The following ADARB2 variants were observed in gnomAD, a reference collection of about 807,000 sequenced individuals.
The protein encoded by ADARB2 is inactive double-stranded RNA-specific editase B2.
ADARB2 carries 25 observed loss-of-function variants against 62.2 expected under a neutral mutation model. The ratio of observed to expected loss-of-function variants is 0.40; its 90% CI spans 0.29 to 0.56. The LOEUF (loss-of-function observed/expected upper bound fraction) is 0.56, where lower values mean the gene tolerates loss of function less well. Among genes scored for constraint, ADARB2 ranks in the 20% least tolerant of loss-of-function variants. ADARB2 has a pLI of 0.43. For missense variants in ADARB2, 1,071 were observed against 1,077.4 expected (o/e 0.99, Z 0.08); for synonymous variants, 572 against 500.8 (o/e 1.14, Z -1.90).
intron 1 of ADARB2, among the ~76,000 whole-genome samples, chr10:1,553,575 C>T (rs1832659497): frequency 1.3e-5 from 2 of 152,212 alleles, no homozygotes; most frequent in South Asian, 4.1e-4. Context: ...GATGCTCTAA[C>T]GGACTCGAGG....
intron 1 of ADARB2, among the ~76,000 whole-genome samples, chr10:1,491,275 G>T (rs1458448705): frequency 6.6e-6 from 1 of 152,060 alleles, no homozygotes; most frequent in Admixed American, 6.5e-5. Context: ...GTGCCACGTT[G>T]CCCAGGCTGG....
At chr10:1,618,434 C>T (rs553186006) in intron 1 of ADARB2, among the ~76,000 whole-genome samples, 2 of 152,124 alleles carry the variant, frequency 1.3e-5, no homozygotes, top group Non-Finnish European at 2.9e-5. Context: ...ATTCACATAC[C>T]TATAGAAAAT....
At chr10:1,415,016 T>C (rs1025842102) in intron 1 of ADARB2, among the ~76,000 whole-genome samples, 1 of 148,656 alleles carries the variant, frequency 6.7e-6, no homozygotes, top group Non-Finnish European at 1.5e-5. Context: ...GATGGATGGA[T>C]AGATGGATGA....
intron 1 of ADARB2, among the ~76,000 whole-genome samples, chr10:1,389,788 A>T (rs911021071): frequency 1.1e-4 from 16 of 148,282 alleles, no homozygotes; most frequent in African/African-American, 3.2e-4. Flanking sequence ...AATAAATAAT[A>T]AATAAAAAAT....
intron 8 of ADARB2, among the ~76,000 whole-genome samples, chr10:1,189,612 C>T (rs1836810293): frequency 6.6e-6 from 1 of 152,036 alleles, no homozygotes; most frequent in Non-Finnish European, 1.5e-5. Flanking sequence ...AACTCGAGTC[C>T]CAAGGACAGA....
chr10:1,395,939 G>C (rs1452948766), intron 1 of ADARB2, among the ~76,000 whole-genome samples: 3 of 152,208 alleles, frequency 2.0e-5, no homozygotes, highest in African/African-American at 7.2e-5. Context: ...GTGCGGCATC[G>C]TGAACCCTCC....
intron 3 of ADARB2, among the ~76,000 whole-genome samples, chr10:1,288,220 G>A (rs577306682): frequency 1.3e-5 from 2 of 152,306 alleles, no homozygotes; most frequent in Admixed American, 6.5e-5. Context: ...CCTGTCCCTC[G>A]GGGAAAAGAA....
intron 1 of ADARB2, among the ~76,000 whole-genome samples, chr10:1,594,853 A>G (rs995015804): frequency 6.6e-6 from 1 of 152,170 alleles, no homozygotes; most frequent in African/African-American, 2.4e-5. Context: ...ACTTCGTTGT[A>G]TCGGGGCAGA....
intron 3 of ADARB2, among the ~76,000 whole-genome samples, chr10:1,274,785 G>T (rs1831298574): frequency 6.6e-6 from 1 of 152,230 alleles, no homozygotes; most frequent in Non-Finnish European, 1.5e-5. Context: ...TACAGCAGGG[G>T]GTGGCAGAGA....
At chr10:1,555,332 A>T (rs1832683803) in intron 1 of ADARB2, among the ~76,000 whole-genome samples, 1 of 152,240 alleles carries the variant, frequency 6.6e-6, no homozygotes, top group Non-Finnish European at 1.5e-5. Context: ...CATTTCTACC[A>T]ACAGCGAATA....
intron 1 of ADARB2, among the ~76,000 whole-genome samples, chr10:1,692,856 A>G (rs892074607): frequency 6.6e-6 from 1 of 152,190 alleles, no homozygotes; most frequent in African/African-American, 2.4e-5. Flanking sequence ...TCAAGGTTCT[A>G]TGTTAGACTA....
At chr10:1,607,431 C>G (rs1423199352) in intron 1 of ADARB2, among the ~76,000 whole-genome samples, 1 of 152,232 alleles carries the variant, frequency 6.6e-6, no homozygotes, top group South Asian at 2.1e-4. Context: ...CTAACCTCGG[C>G]TCTGAAGTTT....
chr10:1,660,583 C>G (rs976486574), intron 1 of ADARB2, among the ~76,000 whole-genome samples: 1 of 152,072 alleles, frequency 6.6e-6, no homozygotes, highest in African/African-American at 2.4e-5. Context: ...CACGTAAGGC[C>G]CAAGACCCCA....
chr10:1,666,246 C>T (rs1834315131), intron 1 of ADARB2, among the ~76,000 whole-genome samples: 1 of 152,228 alleles, frequency 6.6e-6, no homozygotes, highest in Admixed American at 6.5e-5. Flanking sequence ...AGAGGACTTT[C>T]TGAGATAGCA....
intron 1 of ADARB2, among the ~76,000 whole-genome samples, chr10:1,531,969 T>C (rs1443559340): frequency 2.8e-4 from 42 of 152,214 alleles, no homozygotes; most frequent in Non-Finnish European, 2.9e-5. Context: ...TTCTGTGTGT[T>C]GTTTTCAAAA....
chr10:1,181,150 A>T lies in ADARB2; in HGVS notation c.*2043T>A, dbSNP rs973081817. On this transcript the variant is annotated 3_prime_UTR_variant, in exon 10 of 10. Coordinates refer to ENST00000381312, the MANE Select transcript of ADARB2 (RefSeq NM_018702.4). ...CTTCTCTAGCCAACATCTCAGATGA[A>T]GGTGATTTGAGGCCTGGGTGGGAGA... is the stretch of plus-strand genomic sequence containing the variant. 1 of 152,276 alleles carries T rather than the reference A, an allele frequency of 6.6e-6. No homozygotes were observed. The highest frequency in any genetic ancestry group is 1.5e-5 in the Non-Finnish European group (1 of 68,050). 9.4% of individuals were successfully genotyped at this position (152,276 alleles called of 1,614,324 possible).
chr10:1,207,711 G>T (rs1241428320), intron 7 of ADARB2, among the ~76,000 whole-genome samples: 1 of 152,178 alleles, frequency 6.6e-6, no homozygotes, highest in Non-Finnish European at 1.5e-5. Flanking sequence ...TCATTTTCAT[G>T]GAGAAAGTTT....
At chr10:1,590,947 G>A (rs370644408) in intron 1 of ADARB2, among the ~76,000 whole-genome samples, 35 of 152,316 alleles carry the variant, frequency 2.3e-4, no homozygotes, top group African/African-American at 6.5e-4. Context: ...GGCCACAGGC[G>A]TGCTACTGAG....
chr10:1,185,014 C>T lies in ADARB2; in HGVS notation c.1890G>A (p.Gln630=). The change falls in exon 9 of 10, where the codon CAG becomes CAA. Residue 630 remains glutamine (Q), a synonymous_variant. Coordinates refer to ENST00000381312, the MANE Select transcript of ADARB2 (RefSeq NM_018702.4). ...TGCTGAAGGGGGGCGACTTCCCCGG[C>T]TGGCGCGCCTCGGCGTCACTCACGC... ...LSGVSDAEAR[Q]PGKSPPFSMN... The T allele has an allele frequency of 1.9e-6, 3 of 1,613,052 alleles. No individual in the cohort carries two copies. The highest frequency in any genetic ancestry group is 2.5e-6 in the Non-Finnish European group (3 of 1,179,820).
Sources: allele counts gnomAD v4.1 joint callset (sites outside exome capture counted in the v4.1 genomes callset), GRCh38; gene constraint gnomAD v4.1.1; transcripts MANE v1.5; gene names NCBI Gene and HGNC (gene_info 2026-07-23, HGNC 2026-07-21).